ADAMTS20: variants seen among roughly 807,000 people sequenced by gnomAD.
The protein encoded by ADAMTS20 is ADAM metallopeptidase with thrombospondin type 1 motif 20.
Under a neutral mutation model 260.1 loss-of-function variants are expected in ADAMTS20, and 225 were observed. The observed-to-expected ratio is 0.87, with a 90% confidence interval of 0.78 to 0.97. ADAMTS20 has a LOEUF of 0.97. Among genes scored for constraint, ADAMTS20 ranks in the 50% least tolerant of loss-of-function variants. The pLI is 0.00. For synonymous variants in ADAMTS20, 802 were observed against 769.5 expected, an observed-to-expected ratio of 1.04 and a Z score of -0.70; for missense variants, 2,400 against 2,337.7, an observed-to-expected ratio of 1.03 and a Z score of -0.55.
intron 28 of ADAMTS20, among the ~76,000 whole-genome samples, chr12:43,416,314 C>G (rs1941128601): frequency 1.3e-5 from 2 of 151,782 alleles, no homozygotes; most frequent in South Asian, 4.2e-4. Context: ...GAATTGTCCA[C>G]TAATCTTCTC....
At position 43,439,660 on chromosome 12, in the gene ADAMTS20, G is replaced by C. The variant is rs1451000972; in HGVS notation, c.2555C>G (p.Pro852Arg). 4.3e-6 allele frequency: 7 copies of C among 1,613,558 alleles called. No individual in the cohort carries two copies. Among genetic ancestry groups the C allele is most frequent in the Non-Finnish European group, 5.9e-6 (7 of 1,179,774 alleles). ...EERSDMFTWDPYGPWEGCTKM... is the reference protein window; with the variant it reads ...EERSDMFTWDRYGPWEGCTKM... The stretch of plus-strand genomic sequence containing the variant: ...GGTACAGCCTTCCCATGGTCCATAG[G>C]GGTCCCATGTGAACATGTCACTCCT... Residue 852 changes from proline (P) to arginine (R), a missense_variant, in exon 18 of 39, where the codon CCC becomes CGC. Transcript: ENST00000389420.
intron 36 of ADAMTS20, among the ~76,000 whole-genome samples, chr12:43,373,326 G>A (rs1018000769): frequency 6.6e-6 from 1 of 152,176 alleles, no homozygotes; most frequent in Non-Finnish European, 1.5e-5. Flanking sequence ...GTGTCTATTA[G>A]AAACTTAGAG....
In ADAMTS20 at chr12:43,432,785, C is replaced by G. The variant is rs1433650916; in HGVS notation, c.2747G>C (p.Cys916Ser). The change falls in exon 20 of 39, where the codon TGT becomes TCT. Residue 916 changes from cysteine to serine, a missense_variant. Physicochemically the swap from Cys to Ser is moderately radical, Grantham distance 112. Coordinates refer to ENST00000389420, the MANE Select transcript of ADAMTS20 (RefSeq NM_025003.5). Reference sequence around the variant, plus strand: ...ATATCCTTGACCACATTGGGATGAACATTCACTTTTGCCAATAACATGCCA... The same window carrying G: ...ATATCCTTGACCACATTGGGATGAAGATTCACTTTTGCCAATAACATGCCA... ...LRWHVIGKSE[C>S]SSQCGQGYRT... 6.2e-7 allele frequency: 1 copy of G among 1,613,714 alleles called. No individual in the cohort carries two copies. The highest frequency in any genetic ancestry group is 8.5e-7 in the Non-Finnish European group (1 of 1,179,822).
intron 18 of ADAMTS20, among the ~76,000 whole-genome samples, chr12:43,436,800 C>T (rs1030590773): frequency 1.3e-5 from 2 of 152,158 alleles, no homozygotes; most frequent in African/African-American, 4.8e-5. Context: ...ACCATGCCAA[C>T]TTCTGTTATC....
chr12:43,522,448 C>G (rs982917691), intron 3 of ADAMTS20, among the ~76,000 whole-genome samples: 1 of 152,150 alleles, frequency 6.6e-6, no homozygotes, highest in African/African-American at 2.4e-5. Context: ...TCACTTCCAT[C>G]CAGTCATCTG....
Position 43,532,266 on chromosome 12 carries a change from G to A in ADAMTS20, c.454-71C>T, listed in dbSNP as rs1386381723. 2.9e-6 allele frequency: 4 copies of A among 1,366,058 alleles called. No individual in the cohort carries two copies. The African/African-American group carries it at 4.4e-5, about 15-fold the overall frequency. 84.6% of individuals were successfully genotyped at this position (1,366,058 alleles called of 1,614,324 possible). A position where few individuals can be genotyped will look rare whatever the true frequency, so the allele number is the denominator to read the frequency against. ...AGAAGAAAAAACACATAGTACCACA[G>A]GTTAAATGAGCAGACAGAAGCAAAA... is the stretch of plus-strand genomic sequence containing the variant. On this transcript the variant is annotated intron_variant, in intron 2 of 38. Coordinates refer to ENST00000389420, the MANE Select transcript of ADAMTS20 (RefSeq NM_025003.5).
chr12:43,512,282 G>A (rs1012598657), intron 3 of ADAMTS20, among the ~76,000 whole-genome samples: 1 of 148,790 alleles, frequency 6.7e-6, no homozygotes, highest in Non-Finnish European at 1.5e-5. Flanking sequence ...ACTGCCTATT[G>A]TAATATAACT....
chr12:43,391,026 C>A (rs915387448), intron 29 of ADAMTS20, among the ~76,000 whole-genome samples: 1 of 152,144 alleles, frequency 6.6e-6, no homozygotes, highest in African/African-American at 2.4e-5. Flanking sequence ...AAACTCATGG[C>A]TTATAAACAA....
At chr12:43,548,334 A>G in intron 2 of ADAMTS20, among the ~76,000 whole-genome samples, 1 of 152,216 alleles carries the variant, frequency 6.6e-6, no homozygotes, top group East Asian at 1.9e-4. Flanking sequence ...AAGATAAACT[A>G]GGAAGCAAGT....
intron 3 of ADAMTS20, among the ~76,000 whole-genome samples, chr12:43,528,356 A>AAAAAC (rs1663236067): frequency 6.8e-6 from 1 of 146,074 alleles, no homozygotes; most frequent in Non-Finnish European, 1.5e-5. Flanking sequence ...AGCAAAAAAA[A>AAAAAC]AAAAAAAAAA....
chr12:43,453,947 CT>C lies in ADAMTS20; in HGVS notation c.1719del (p.Gly574AlafsTer27). ...EPYSSCSRTC[G>X]GGIESATRRC... ...CGCCTGGTTGCACTTTCGATTCCGCCTCCACATGTTCTTGAACAAGAACTGT... is the reference window on the plus strand; with the variant it reads ...CGCCTGGTTGCACTTTCGATTCCGCCCCACATGTTCTTGAACAAGAACTGT... On this transcript the variant is annotated frameshift_variant, in exon 12 of 39. Coordinates refer to ENST00000389420, the MANE Select transcript of ADAMTS20 (RefSeq NM_025003.5). LOFTEE classifies it high-confidence loss of function. The C allele has an allele frequency of 6.2e-7, 1 of 1,612,144 alleles. No individual in the cohort carries two copies. Among genetic ancestry groups the C allele is most frequent in the Non-Finnish European group, 8.5e-7 (1 of 1,179,042 alleles).
chr12:43,424,749 G>A (rs892070458), intron 28 of ADAMTS20, among the ~76,000 whole-genome samples: 3 of 151,834 alleles, frequency 2.0e-5, no homozygotes, highest in Admixed American at 6.6e-5. Flanking sequence ...TTAATTGACA[G>A]CAAGCCAAAC....
intron 19 of ADAMTS20, among the ~76,000 whole-genome samples, chr12:43,433,393 C>T (rs941667081): frequency 1.3e-4 from 20 of 152,088 alleles, no homozygotes; most frequent in African/African-American, 4.8e-4. Context: ...ACCAGTATAA[C>T]AAAACACAGA....
chr12:43,433,539 A>G (rs1020906501), intron 19 of ADAMTS20, among the ~76,000 whole-genome samples: 9 of 152,144 alleles, frequency 5.9e-5, no homozygotes, highest in African/African-American at 2.2e-4. Context: ...CCAACATCAT[A>G]AATATATAGA....
chr12:43,522,221 G>C (rs1943082123), intron 3 of ADAMTS20, among the ~76,000 whole-genome samples: 3 of 151,516 alleles, frequency 2.0e-5, no homozygotes, highest in Non-Finnish European at 4.4e-5. Context: ...GGAAGGAGAA[G>C]TGCAAACAGG....
At chr12:43,496,563 G>A (rs1380379176) in intron 4 of ADAMTS20, among the ~76,000 whole-genome samples, 1 of 152,148 alleles carries the variant, frequency 6.6e-6, no homozygotes, top group Non-Finnish European at 1.5e-5. Context: ...CAGCAGACCT[G>A]GTCTTTAGTT....
intron 31 of ADAMTS20, among the ~76,000 whole-genome samples, chr12:43,380,765 C>T (rs981191140): frequency 9.2e-5 from 14 of 152,168 alleles, no homozygotes; most frequent in Non-Finnish European, 1.6e-4. Flanking sequence ...GAAATTCATT[C>T]CACATTCGTA....
chr12:43,530,811 A>G (rs976928983), intron 3 of ADAMTS20, among the ~76,000 whole-genome samples: 1 of 151,896 alleles, frequency 6.6e-6, no homozygotes, highest in Non-Finnish European at 1.5e-5. Flanking sequence ...CCACAGATAT[A>G]CTCTTTGTAG....
At chr12:43,491,844 A>G (rs1036099591) in intron 6 of ADAMTS20, among the ~76,000 whole-genome samples, 3 of 152,144 alleles carry the variant, frequency 2.0e-5, no homozygotes, top group Non-Finnish European at 4.4e-5. Context: ...CAAGAAGGGA[A>G]TGAACAAAAC....
Sources: allele counts gnomAD v4.1 joint callset (sites outside exome capture counted in the v4.1 genomes callset), GRCh38; gene constraint gnomAD v4.1.1; transcripts MANE v1.5; gene names NCBI Gene and HGNC (gene_info 2026-07-23, HGNC 2026-07-21).